POLQ: variants seen among roughly 807,000 people sequenced by gnomAD.
POLQ encodes DNA polymerase theta, also known as epididymis secretory sperm binding protein.
A neutral mutation model predicts 259.2 loss-of-function variants in POLQ; 233 were observed. The ratio of observed to expected loss-of-function variants is 0.90; its 90% CI spans 0.81 to 1.00. The LOEUF (loss-of-function observed/expected upper bound fraction) is 1.00. Among genes scored for constraint, POLQ ranks in the 50% least tolerant of loss-of-function variants. The pLI is 0.00. For missense variants in POLQ, 2,871 were observed against 3,051.6 expected (o/e 0.94, Z 1.39); for synonymous variants, 1,025 against 1,048.8 (o/e 0.98, Z 0.44).
At position 121,525,546 on chromosome 3, in the gene POLQ, G is replaced by A. The variant is rs148586370; in HGVS notation, c.1109-3397C>T. On this transcript the variant is annotated intron_variant, in intron 7 of 29. Transcript: ENST00000264233. ...GCAGGCACGCTTGGTGTAACTTTAC[G>A]CAAATACATTATAATTTCTGCCTGT... Among the ~76,000 whole-genome samples the A allele has an allele frequency of 7.2e-5, 11 of 152,086 alleles. No individual in the cohort carries two copies. The East Asian group carries it at 1.5e-3, about 21-fold the overall frequency.
intron 26 of POLQ, among the ~76,000 whole-genome samples, chr3:121,447,904 C>A (rs1395423135): frequency 6.6e-6 from 1 of 152,172 alleles, no homozygotes; most frequent in African/African-American, 2.4e-5. Context: ...TATTGAAGCT[C>A]CATTGTATAT....
rs1016082105 is a variant in POLQ, at chr3:121,431,675, A to C, written c.*629T>G. On this transcript the variant is annotated 3_prime_UTR_variant, in exon 30 of 30. Transcript: ENST00000264233. ...GGTATAGTTTATTTTATAATATGTA[A>C]GTATTCCAAATACATTCATTGTATG... The C allele has an allele frequency of 1.3e-5, 2 of 152,692 alleles. No individual in the cohort carries two copies. Among genetic ancestry groups the C allele is most frequent in the African/African-American group, 4.8e-5 (2 of 41,466 alleles). 9.5% of individuals were successfully genotyped at this position (152,692 alleles called of 1,614,324 possible).
Position 121,483,540 on chromosome 3 carries a change from A to G in POLQ, c.5816T>C (p.Leu1939Pro). 1 of 1,585,262 alleles carries G rather than the reference A, an allele frequency of 6.3e-7. No homozygotes were observed. Among genetic ancestry groups the G allele is most frequent in the Non-Finnish European group, 8.5e-7 (1 of 1,170,092 alleles). The stretch of plus-strand genomic sequence containing the variant: ...GTACCACATCCTGTCTTTCAAAGTC[A>G]GGCTTGGATCTAAAGAAGGTGGAAC... The part of the protein sequence containing the change: ...SLVPPSLDPS[L>P]TLKDRMWYLQ... Residue 1939 changes from leucine to proline, a missense_variant, in exon 18 of 30, where the codon CTG becomes CCG. Leu to Pro is a moderately conservative substitution (Grantham distance 98). Coordinates refer to ENST00000264233, the MANE Select transcript of POLQ (RefSeq NM_199420.4).
At chr3:121,481,429 C>G in intron 19 of POLQ, 143 bp downstream of exon 19, 1 of 701,772 alleles carries the variant, frequency 1.4e-6, no homozygotes. Flanking sequence ...AATATTTACT[C>G]TCTGGCCTTT....
Position 121,432,115 on chromosome 3 carries a change from C to T in POLQ, c.*189G>A, listed in dbSNP as rs970117641. ...TATACTTGGTATTCTACTTCCCCCA[C>T]GCCCCCAGAAGTTTTTGATGCTATA... is the stretch of plus-strand genomic sequence containing the variant. On this transcript the variant is annotated 3_prime_UTR_variant, in exon 30 of 30. Coordinates refer to ENST00000264233, the MANE Select transcript of POLQ (RefSeq NM_199420.4). 1.7e-5 allele frequency: 8 copies of T among 466,326 alleles called. No homozygotes were observed. The highest frequency in any genetic ancestry group is 5.6e-5 in the South Asian group (1 of 17,926). The allele number at this position is 466,326 out of a possible 1,614,324, so 28.9% of individuals were successfully genotyped here.
rs1368374770 is a variant in POLQ, at chr3:121,449,316, T to C, written c.7263A>G (p.Thr2421=). ...AATACTATCTAGAAGATAAATTACCTGTGTATCTGGATTTGAAGGAGTCAA... is the reference window on the plus strand; with the variant it reads ...AATACTATCTAGAAGATAAATTACCCGTGTATCTGGATTTGAAGGAGTCAA... ...CYIDSFKSRY[T]GINQFMTETV... is the part of the protein sequence containing the mutation. Residue 2421 remains threonine, a splice_region_variant and synonymous_variant, in exon 26 of 30, where the codon ACA becomes ACG. Transcript: ENST00000264233. The C allele has an allele frequency of 1.9e-5, 26 of 1,380,606 alleles. No individual in the cohort carries two copies. Among genetic ancestry groups the C allele is most frequent in the Non-Finnish European group, 2.4e-5 (23 of 967,924 alleles). The allele number at this position is 1,380,606 out of a possible 1,614,324, so 85.5% of individuals were successfully genotyped here.
chr3:121,475,976 A>C (rs1002316138), intron 20 of POLQ, among the ~76,000 whole-genome samples: 1 of 152,196 alleles, frequency 6.6e-6, no homozygotes, highest in African/African-American at 2.4e-5. Context: ...TGAATTCAAC[A>C]CATGAATAAG....
At chr3:121,448,021 T>C (rs1381777135) in intron 26 of POLQ, among the ~76,000 whole-genome samples, 5 of 152,198 alleles carry the variant, frequency 3.3e-5, no homozygotes, top group African/African-American at 1.2e-4. Flanking sequence ...GTTAAATCTG[T>C]TCTATAACTT....
intron 12 of POLQ, 106 bp downstream of exon 12, chr3:121,509,455 T>C (rs2048234823): frequency 1.1e-6 from 1 of 934,306 alleles, no homozygotes; most frequent in East Asian, 2.5e-5. Flanking sequence ...AACCTAGGCA[T>C]GGAAAACAGA....
chr3:121,494,954 AC>A, intron 14 of POLQ: 2 of 835,744 alleles, frequency 2.4e-6, no homozygotes, highest in Non-Finnish European at 1.8e-6. Context: ...TTAAAATAAT[AC>A]AAATTTTCAA....
intron 13 of POLQ, among the ~76,000 whole-genome samples, chr3:121,497,827 T>C (rs933422245): frequency 1.1e-4 from 17 of 152,220 alleles, no homozygotes; most frequent in Non-Finnish European, 1.9e-4. Flanking sequence ...TGGTAATGAA[T>C]CACTTTTAAG....
rs748083789 is a variant in POLQ, at chr3:121,520,017, G to A, written c.1322C>T (p.Ala441Val). Residue 441 changes from alanine to valine, a missense_variant, in exon 9 of 30, where the codon GCG becomes GTG. Transcript: ENST00000264233. ...AFRQGLIRVLAATSTLSSGVN... is the reference protein window; with the variant it reads ...AFRQGLIRVLVATSTLSSGVN... ...CCCAGAAGAAAGAGTAGAAGTTGCC[G>A]CCAAGACCCGAATGAGACCTTGACG... 3.4e-5 allele frequency: 55 copies of A among 1,612,986 alleles called. No individual in the cohort carries two copies. Among genetic ancestry groups the A allele is most frequent in the South Asian group, 5.5e-5 (5 of 91,058 alleles).
chr3:121,466,095 AC>A (rs1156907444), intron 24 of POLQ, among the ~76,000 whole-genome samples: 1 of 152,154 alleles, frequency 6.6e-6, no homozygotes, highest in Non-Finnish European at 1.5e-5. Context: ...AGAAGGCAAA[AC>A]AGGCTTATTG....
At chr3:121,486,695 C>G (rs1014566515) in intron 16 of POLQ, among the ~76,000 whole-genome samples, 7 of 152,082 alleles carry the variant, frequency 4.6e-5, no homozygotes, top group African/African-American at 1.7e-4. Flanking sequence ...GAAACCCTAT[C>G]TCTACTAAAA....
intron 26 of POLQ, among the ~76,000 whole-genome samples, 164 bp downstream of exon 26, chr3:121,449,151 A>G (rs2047652989): frequency 6.6e-6 from 1 of 152,216 alleles, no homozygotes; most frequent in Non-Finnish European, 1.5e-5. Context: ...TAAGATTATT[A>G]CATCTTAGTA....
In POLQ at chr3:121,488,829, G is replaced by A; in HGVS notation, c.4102C>T (p.Gln1368Ter). Residue 1368 changes from glutamine (Q) to a stop codon, truncating the protein, a stop_gained, in exon 16 of 30, where the codon CAG (glutamine) becomes TAG (stop). Coordinates refer to ENST00000264233, the MANE Select transcript of POLQ (RefSeq NM_199420.4). LOFTEE classifies it high-confidence loss of function. ...LVQQNSMNSF[Q>*]KECHIPFPAE... ...GGAAAAGGAATGTGACACTCCTTCT[G>A]AAAAGAGTTCATTGAGTTCTGTTGG... is the stretch of plus-strand genomic sequence containing the variant. The A allele has an allele frequency of 6.2e-7, 1 of 1,613,874 alleles. No homozygotes were observed. The highest frequency in any genetic ancestry group is 8.5e-7 in the Non-Finnish European group (1 of 1,179,872).
rs1180319195 is a variant in POLQ at position 121,532,996 on chromosome 3, T to TTGTAGG, written c.953_954insCCTACA (p.Leu317_Gln318insHisLeu). 5.0e-6 allele frequency: 8 copies of TTGTAGG among 1,598,974 alleles called. No individual in the cohort carries two copies. The African/African-American group carries it at 1.1e-4, about 21-fold the overall frequency. On this transcript the variant is annotated inframe_insertion, in exon 6 of 30. Coordinates refer to ENST00000264233, the MANE Select transcript of POLQ (RefSeq NM_199420.4). ...TGTACATATATTGATTTACCTTCAC[T>TTGTAGG]TGTAGCATGGGCTCAAATTCCCTCA...
chr3:121,468,829 C>G (rs1292450176), intron 22 of POLQ, among the ~76,000 whole-genome samples: 1 of 152,176 alleles, frequency 6.6e-6, no homozygotes, highest in Non-Finnish European at 1.5e-5. Flanking sequence ...AAAAACAACA[C>G]TTTCAGACAT....
At chr3:121,447,391 G>A (rs1347119757) in intron 26 of POLQ, among the ~76,000 whole-genome samples, 5 of 151,972 alleles carry the variant, frequency 3.3e-5, no homozygotes, top group Non-Finnish European at 7.4e-5. Context: ...TTGAACTCCT[G>A]ACCTCAGGTG....
Sources: allele counts gnomAD v4.1 joint callset (sites outside exome capture counted in the v4.1 genomes callset), GRCh38; gene constraint gnomAD v4.1.1; transcripts MANE v1.5; gene names NCBI Gene and HGNC (gene_info 2026-07-23, HGNC 2026-07-21).